The following PACRG variants were observed in gnomAD, a reference collection of about 807,000 sequenced individuals.
PACRG encodes the protein parkin coregulated.
PACRG carries 29 observed loss-of-function variants against 29.7 expected under a neutral mutation model. That is an observed-to-expected ratio of 0.98 (90% CI 0.73 to 1.33). The LOEUF (loss-of-function observed/expected upper bound fraction) is 1.33. PACRG is among the 40% of genes most tolerant of loss of function. PACRG has a pLI of 0.00. For synonymous variants in PACRG, 116 were observed against 118.7 expected, an observed-to-expected ratio of 0.98 and a Z score of 0.15; for missense variants, 279 against 316.2, an observed-to-expected ratio of 0.88 and a Z score of 0.89.
intron 4 of PACRG, among the ~76,000 whole-genome samples, chr6:163,217,023 C>A (rs1781389567): frequency 6.6e-6 from 1 of 152,218 alleles, no homozygotes; most frequent in Non-Finnish European, 1.5e-5. Flanking sequence ...AAGCATTCCA[C>A]CAGCACGCCT....
intron 4 of PACRG, among the ~76,000 whole-genome samples, chr6:163,265,781 G>A (rs546025834): frequency 3.3e-5 from 5 of 152,264 alleles, no homozygotes; most frequent in African/African-American, 1.2e-4. Context: ...GTTAATGATC[G>A]AGGTTAAATA....
intron 2 of PACRG, among the ~76,000 whole-genome samples, chr6:162,998,478 C>G (rs548897458): frequency 1.3e-5 from 2 of 152,316 alleles, no homozygotes; most frequent in East Asian, 1.9e-4. Flanking sequence ...GTTTCTGCAT[C>G]TTTAACAAAA....
chr6:163,272,635 T>C (rs1402159617), intron 4 of PACRG, among the ~76,000 whole-genome samples: 6 of 152,160 alleles, frequency 3.9e-5, no homozygotes, highest in Non-Finnish European at 8.8e-5. Context: ...ATTTATGATA[T>C]GTCTCCACCA....
At chr6:163,078,552 T>G (rs759086427) in intron 3 of PACRG, among the ~76,000 whole-genome samples, 15 of 152,112 alleles carry the variant, frequency 9.9e-5, no homozygotes, top group Non-Finnish European at 1.5e-4. Context: ...TATTGGGCTA[T>G]TTCAGTGATT....
chr6:163,020,592 C>T (rs533163998), intron 2 of PACRG, among the ~76,000 whole-genome samples: 2 of 152,276 alleles, frequency 1.3e-5, no homozygotes, highest in East Asian at 1.9e-4. Flanking sequence ...CCAGCAGCAG[C>T]GTTCGCATCA....
intron 2 of PACRG, among the ~76,000 whole-genome samples, chr6:163,002,341 C>T (rs73609755): frequency 0.18 from 27,294 of 152,050 alleles, 7,293 homozygotes; most frequent in African/African-American, 0.58. Flanking sequence ...TCTTGATTGA[C>T]GGTCAGTCAG....
chr6:162,937,224 G>A (rs1482947377), intron 2 of PACRG, among the ~76,000 whole-genome samples: 1 of 152,114 alleles, frequency 6.6e-6, no homozygotes, highest in Non-Finnish European at 1.5e-5. Flanking sequence ...TCTTCTAGTA[G>A]CCACATTTTA....
At chr6:162,868,369 GACAGA>G (rs1341724070) in intron 2 of PACRG, among the ~76,000 whole-genome samples, 1 of 152,230 alleles carries the variant, frequency 6.6e-6, no homozygotes, top group African/African-American at 2.4e-5. Flanking sequence ...TTATCTAACA[GACAGA>G]ATTACATCTT....
chr6:162,741,575 A>C (rs531718261), intron 1 of PACRG, among the ~76,000 whole-genome samples: 15 of 152,174 alleles, frequency 9.9e-5, no homozygotes, highest in Non-Finnish European at 1.6e-4. Context: ...CCCCATTCTC[A>C]AGACCTATTC....
chr6:162,844,406 T>C (rs1011123870), intron 2 of PACRG, among the ~76,000 whole-genome samples: 1 of 152,250 alleles, frequency 6.6e-6, no homozygotes, highest in Non-Finnish European at 1.5e-5. Context: ...GGGAACTCCC[T>C]GACCCCTTGC....
At chr6:163,127,739 T>G (rs1816574619) in intron 4 of PACRG, among the ~76,000 whole-genome samples, 1 of 152,250 alleles carries the variant, frequency 6.6e-6, no homozygotes, top group Non-Finnish European at 1.5e-5. Context: ...TCGTAAAGTC[T>G]TGTCATTTGA....
At chr6:163,287,949 T>A (rs1424989756) in intron 4 of PACRG, among the ~76,000 whole-genome samples, 5 of 152,214 alleles carry the variant, frequency 3.3e-5, no homozygotes, top group Admixed American at 2.6e-4. Context: ...TTTGGCTTTG[T>A]TGTTTTCTTA....
chr6:163,029,086 A>C (rs1807417015), intron 2 of PACRG, among the ~76,000 whole-genome samples: 1 of 152,112 alleles, frequency 6.6e-6, no homozygotes, highest in African/African-American at 2.4e-5. Context: ...TAGAGAGAGG[A>C]GATGTAACGG....
chr6:163,166,076 T>C (rs1416477497), intron 4 of PACRG: 2 of 456,122 alleles, frequency 4.4e-6, no homozygotes, highest in Admixed American at 2.3e-5. Context: ...ATGCATTGTT[T>C]GGAGTAACAC....
chr6:163,166,867 T>G (rs1778835819), intron 4 of PACRG, among the ~76,000 whole-genome samples: 1 of 152,222 alleles, frequency 6.6e-6, no homozygotes, highest in African/African-American at 2.4e-5. Context: ...TACTTTTTAT[T>G]TGTTATTTTG....
At chr6:163,023,791 C>T (rs1806860877) in intron 2 of PACRG, among the ~76,000 whole-genome samples, 2 of 152,108 alleles carry the variant, frequency 1.3e-5, no homozygotes, top group Admixed American at 1.3e-4. Context: ...GATTGTGTCT[C>T]ATTGTGGTTT....
chr6:162,815,618 G>A (rs988607694), intron 2 of PACRG, among the ~76,000 whole-genome samples: 11 of 151,618 alleles, frequency 7.3e-5, no homozygotes, highest in African/African-American at 2.7e-4. Flanking sequence ...GTGTCTGTTA[G>A]AATGTGAACT....
intron 2 of PACRG, among the ~76,000 whole-genome samples, chr6:162,827,590 A>G (rs1788393590): frequency 6.6e-6 from 1 of 152,170 alleles, no homozygotes; most frequent in Non-Finnish European, 1.5e-5. Context: ...TTGGTAAGAA[A>G]TTTTGCATGC....
intron 1 of PACRG, 85 bp from the exon 2 acceptor site, chr6:162,814,062 A>G: frequency 7.2e-7 from 1 of 1,386,532 alleles, no homozygotes; most frequent in Non-Finnish European, 9.7e-7. Context: ...ACAAACTGAA[A>G]TCTTTAAAAA....
Sources: allele counts gnomAD v4.1 joint callset (sites outside exome capture counted in the v4.1 genomes callset), GRCh38; gene constraint gnomAD v4.1.1; transcripts MANE v1.5; gene names NCBI Gene and HGNC (gene_info 2026-07-23, HGNC 2026-07-21).